SWT1: variants seen among roughly 807,000 people sequenced by gnomAD.
The protein encoded by SWT1 is transcriptional protein SWT1.
In SWT1, 33 loss-of-function variants were observed where a neutral mutation model predicts 107.3. The ratio of observed to expected loss-of-function variants is 0.31; its 90% CI spans 0.23 to 0.41. The LOEUF (loss-of-function observed/expected upper bound fraction) is 0.41, where lower values mean the gene tolerates loss of function less well. Ranked by LOEUF, SWT1 falls within the 10% of genes least tolerant of loss-of-function variation. The probability of loss-of-function intolerance (pLI) is 1.00; values close to 1 mark genes in which losing one functional copy is unlikely to be tolerated. For synonymous variants in SWT1, 345 were observed against 348.3 expected, an observed-to-expected ratio of 0.99 and a Z score of 0.11; for missense variants, 898 against 1,028.9, an observed-to-expected ratio of 0.87 and a Z score of 1.74.
intron 16 of SWT1, among the ~76,000 whole-genome samples, chr1:185,253,229 T>C (rs1008047282): frequency 9.9e-5 from 15 of 151,054 alleles, no homozygotes; most frequent in East Asian, 3.9e-4. Flanking sequence ...TACCTCCAGC[T>C]TTGTTCTTTT....
chr1:185,188,534 G>A (rs1373582603), intron 9 of SWT1, among the ~76,000 whole-genome samples: 1 of 152,142 alleles, frequency 6.6e-6, no homozygotes, highest in Non-Finnish European at 1.5e-5. Flanking sequence ...TCACACTCAT[G>A]TCCTGACATA....
At chr1:185,188,333 C>T (rs1206901062) in intron 9 of SWT1, among the ~76,000 whole-genome samples, 1 of 152,174 alleles carries the variant, frequency 6.6e-6, no homozygotes, top group Non-Finnish European at 1.5e-5. Flanking sequence ...ACTGTTACAG[C>T]AGTGCACTGT....
chr1:185,180,308 C>T, intron 5 of SWT1, 83 bp from the exon 6 acceptor site: 2 of 1,096,330 alleles, frequency 1.8e-6, no homozygotes, highest in Non-Finnish European at 2.8e-6. Flanking sequence ...ATTATCTGAC[C>T]CTGAAGGTTA....
Position 185,225,465 on chromosome 1 carries a change from G to T in SWT1, c.2309+3429G>T, listed in dbSNP as rs1659977310. ...GTATTCCTGCTTCTTCAATTTTCTA[G>T]AATAGTTTGAGGAAAATTGGTATTA... On this transcript the variant is annotated intron_variant, in intron 15 of 18. Coordinates refer to ENST00000367500, the MANE Select transcript of SWT1 (RefSeq NM_017673.7). Among the ~76,000 whole-genome samples, 3 of 152,184 alleles carry T rather than the reference G, an allele frequency of 2.0e-5. No individual in the cohort carries two copies. The South Asian group carries it at 6.2e-4, about 32-fold the overall frequency.
chr1:185,236,106 A>C (rs1002286919), intron 16 of SWT1, among the ~76,000 whole-genome samples: 4 of 152,232 alleles, frequency 2.6e-5, no homozygotes, highest in African/African-American at 9.6e-5. Flanking sequence ...CAATATCATC[A>C]AAATGGCTAT....
At chr1:185,159,805 A>G (rs1653986913) in intron 1 of SWT1, among the ~76,000 whole-genome samples, 2 of 151,990 alleles carry the variant, frequency 1.3e-5, no homozygotes, top group African/African-American at 4.8e-5. Flanking sequence ...ACTCACTACA[A>G]CCTCTGCCTC....
chr1:185,220,087 C>T (rs1312266657), intron 14 of SWT1, among the ~76,000 whole-genome samples: 6 of 139,428 alleles, frequency 4.3e-5, no homozygotes, highest in African/African-American at 1.6e-4. Flanking sequence ...TGCAGTGAGC[C>T]GAGATCACAC....
chr1:185,203,980 C>A (rs969828489), intron 11 of SWT1, among the ~76,000 whole-genome samples: 4 of 152,060 alleles, frequency 2.6e-5, no homozygotes, highest in African/African-American at 9.7e-5. Flanking sequence ...AGATAAGCCA[C>A]TTAATATTTT....
chr1:185,271,378 A>G lies in SWT1; in HGVS notation c.2497A>G (p.Ile833Val). ...QDVETLYNFLIKYEVNKNVKF... is the reference protein window; with the variant it reads ...QDVETLYNFLVKYEVNKNVKF... ...TGTTGAGACCCTCTATAACTTCCTAATCAAGTATGAGGTATGGGAAATATT... is the reference window on the plus strand; with the variant it reads ...TGTTGAGACCCTCTATAACTTCCTAGTCAAGTATGAGGTATGGGAAATATT... The change falls in exon 17 of 19, where the codon ATC becomes GTC. Residue 833 changes from isoleucine to valine, a missense_variant. Ile to Val is a conservative substitution (Grantham distance 29, BLOSUM62 3). Coordinates refer to ENST00000367500, the MANE Select transcript of SWT1 (RefSeq NM_017673.7). 6.8e-7 allele frequency: 1 copy of G among 1,473,594 alleles called. No individual in the cohort carries two copies. The highest frequency in any genetic ancestry group is 1.4e-5 in the African/African-American group (1 of 72,658). The allele number at this position is 1,473,594 out of a possible 1,614,324, so 91.3% of individuals were successfully genotyped here.
intron 16 of SWT1, among the ~76,000 whole-genome samples, chr1:185,255,847 C>G (rs1015636168): frequency 7.9e-5 from 12 of 151,742 alleles, no homozygotes; most frequent in African/African-American, 2.9e-4. Context: ...TGATTTTGCT[C>G]ATTAGTTGAT....
At chr1:185,264,666 A>G (rs907748354) in intron 16 of SWT1, among the ~76,000 whole-genome samples, 1 of 152,194 alleles carries the variant, frequency 6.6e-6, no homozygotes, top group Non-Finnish European at 1.5e-5. Flanking sequence ...ACTTAGCTGG[A>G]AAGCGGTAAA....
In SWT1 at chr1:185,174,676, C is replaced by T. The variant is rs1237212173; in HGVS notation, c.529C>T (p.Leu177Phe). The change falls in exon 5 of 19, where the codon CTT becomes TTT. Residue 177 changes from leucine to phenylalanine, a missense_variant. By Grantham distance (22) the Leu-to-Phe change is conservative. Coordinates refer to ENST00000367500, the MANE Select transcript of SWT1 (RefSeq NM_017673.7). ...QASENKWSHL[L>F]VQREKMKELK... is the part of the protein sequence containing the mutation. ...AAGTGAAAATAAATGGTCTCATTTA[C>T]TTGTTCAGAGAGAGAAGATGAAAGA... is the stretch of plus-strand genomic sequence containing the variant. 2 of 1,613,642 alleles carry T rather than the reference C, an allele frequency of 1.2e-6. No homozygotes were observed. Among genetic ancestry groups the T allele is most frequent in the Non-Finnish European group, 8.5e-7 (1 of 1,179,840 alleles).
chr1:185,201,161 A>G (rs1657842609), intron 10 of SWT1, among the ~76,000 whole-genome samples: 1 of 152,134 alleles, frequency 6.6e-6, no homozygotes, highest in Non-Finnish European at 1.5e-5. Context: ...AAGAATTTCA[A>G]GCCAGTGGAT....
At chr1:185,280,834 G>T in intron 18 of SWT1, 1 of 395,154 alleles carries the variant, frequency 2.5e-6, no homozygotes. Flanking sequence ...GAGGGTTGGG[G>T]TGTGTTGTGA....
intron 16 of SWT1, among the ~76,000 whole-genome samples, chr1:185,251,743 C>A (rs1344939821): frequency 6.6e-6 from 1 of 151,114 alleles, no homozygotes; most frequent in South Asian, 2.1e-4. Flanking sequence ...TTTTATCTAT[C>A]CAATCAGACA....
chr1:185,212,161 C>A (rs986420236), intron 13 of SWT1, among the ~76,000 whole-genome samples: 1 of 152,052 alleles, frequency 6.6e-6, no homozygotes, highest in Non-Finnish European at 1.5e-5. Context: ...ACATATGTAA[C>A]AAACCTGCAC....
chr1:185,195,595 C>T (rs945036292), intron 10 of SWT1, among the ~76,000 whole-genome samples: 1 of 152,170 alleles, frequency 6.6e-6, no homozygotes, highest in African/African-American at 2.4e-5. Context: ...CAGTGGTGAA[C>T]TAATTTACAC....
intron 16 of SWT1, among the ~76,000 whole-genome samples, chr1:185,262,818 C>T (rs536596250): frequency 5.3e-5 from 8 of 149,848 alleles, no homozygotes; most frequent in African/African-American, 2.0e-4. Context: ...GAGGGTCTCA[C>T]TCCCTGTGCC....
chr1:185,290,647 A>G (rs746640670), intron 18 of SWT1, 27 bp from the exon 19 acceptor site: 10 of 1,526,772 alleles, frequency 6.5e-6, no homozygotes, highest in Admixed American at 4.0e-5. Flanking sequence ...CTGTCTTGCA[A>G]TGATTTAATA....
Sources: gnomAD v4.1 joint callset for allele counts (sites outside exome capture counted in the v4.1 genomes callset) on GRCh38, gnomAD v4.1.1 for gene constraint, MANE v1.5 for transcripts, NCBI Gene and HGNC (gene_info 2026-07-23, HGNC 2026-07-21) for gene names.